BTRC: variants seen among roughly 807,000 people sequenced by gnomAD.
BTRC encodes beta-transducin repeat containing E3 ubiquitin protein ligase.
BTRC carries 42 observed loss-of-function variants against 85.5 expected under a neutral mutation model. The observed-to-expected ratio is 0.49, with a 90% CI of 0.38 to 0.64. The LOEUF (loss-of-function observed/expected upper bound fraction) is 0.64, where lower values mean the gene tolerates loss of function less well. Among genes scored for constraint, BTRC ranks in the 30% least tolerant of loss-of-function variants. BTRC has a pLI of 0.00. For missense variants in BTRC, 594 were observed against 743.5 expected (o/e 0.80, Z 2.34); for synonymous variants, 255 against 263.3 (o/e 0.97, Z 0.30).
chr10:101,362,304 C>T (rs1465313318), intron 1 of BTRC, among the ~76,000 whole-genome samples: 3 of 151,884 alleles, frequency 2.0e-5, no homozygotes, highest in African/African-American at 7.3e-5. Flanking sequence ...TGTAGTTTGG[C>T]TTTCCTTTCA....
chr10:101,449,568 A>T (rs4919548), intron 2 of BTRC, among the ~76,000 whole-genome samples: 3 of 151,928 alleles, frequency 2.0e-5, no homozygotes, highest in African/African-American at 7.3e-5. Context: ...ATCTGTCCAA[A>T]ACACATAATC....
intron 1 of BTRC, among the ~76,000 whole-genome samples, chr10:101,380,217 A>G (rs1942894039): frequency 6.6e-6 from 1 of 152,204 alleles, no homozygotes; most frequent in African/African-American, 2.4e-5. Flanking sequence ...CACTTTCCTC[A>G]TATAGAAAGC....
In BTRC at chr10:101,531,343, T is replaced by A. The variant is rs1318393400; in HGVS notation, c.840+10T>A. The A allele has an allele frequency of 6.4e-7, 1 of 1,570,440 alleles. No individual in the cohort carries two copies. The highest frequency in any genetic ancestry group is 1.4e-5 in the African/African-American group (1 of 73,852). ...TATACAAGACATTGAGGTAAGAATC[T>A]ATGTATTTTGGGGTATTGCCCAAGG... On this transcript the variant is annotated intron_variant, in intron 7 of 14. Transcript: ENST00000370187.
chr10:101,477,720 G>C (rs1945726976), intron 3 of BTRC, among the ~76,000 whole-genome samples: 1 of 152,106 alleles, frequency 6.6e-6, no homozygotes, highest in African/African-American at 2.4e-5. Flanking sequence ...CGTGATCTCA[G>C]CTCACTACAA....
intron 1 of BTRC, among the ~76,000 whole-genome samples, chr10:101,410,875 A>G (rs1943757706): frequency 6.6e-6 from 1 of 152,026 alleles, no homozygotes; most frequent in Non-Finnish European, 1.5e-5. Context: ...TTATTGTCAT[A>G]CGTTTTGTTT....
In BTRC at chr10:101,519,012, T is replaced by C. The variant is rs563714217; in HGVS notation, c.325-2627T>C. 2.0e-5 allele frequency among the ~76,000 whole-genome samples: 3 copies of C among 151,072 alleles called. No homozygotes were observed. The East Asian group carries it at 5.8e-4, about 29-fold the overall frequency. On this transcript the variant is annotated intron_variant, in intron 4 of 14. Transcript: ENST00000370187. Reference sequence around the variant, plus strand: ...GAGAGCATCTCAAGGCTTAAATCAATCAAGGTGTTGGGCTGGACTGAGTTC... The same window carrying C: ...GAGAGCATCTCAAGGCTTAAATCAACCAAGGTGTTGGGCTGGACTGAGTTC...
rs551636044 is a variant in BTRC at position 101,556,943 on chromosome 10, C to T, written c.*3820C>T. Reference sequence around the variant, plus strand: ...GTGTTACCTCCCCTCCTAACCCTTCCCCTTCTTGGACACTGAAGGAAAAGG... The same window carrying T: ...GTGTTACCTCCCCTCCTAACCCTTCTCCTTCTTGGACACTGAAGGAAAAGG... On this transcript the variant is annotated 3_prime_UTR_variant, in exon 15 of 15. Coordinates refer to ENST00000370187, the MANE Select transcript of BTRC (RefSeq NM_033637.4). 6.6e-6 allele frequency: 1 copy of T among 152,336 alleles called. No individual in the cohort carries two copies. Among genetic ancestry groups the T allele is most frequent in the East Asian group, 1.9e-4 (1 of 5,186 alleles). The allele number at this position is 152,336 out of a possible 1,614,324, so 9.4% of individuals were successfully genotyped here.
intron 1 of BTRC, among the ~76,000 whole-genome samples, chr10:101,385,322 G>A (rs1395913363): frequency 1.4e-5 from 2 of 145,316 alleles, no homozygotes; most frequent in East Asian, 2.0e-4. Flanking sequence ...AGCCGAAATC[G>A]CGCCACTGCA....
chr10:101,385,258 T>C (rs1481183103), intron 1 of BTRC, among the ~76,000 whole-genome samples: 1 of 150,400 alleles, frequency 6.6e-6, no homozygotes, highest in African/African-American at 2.5e-5. Context: ...TCCCAGCTAC[T>C]CAGGAGGCTG....
intron 4 of BTRC, among the ~76,000 whole-genome samples, chr10:101,505,137 A>ATATATGTATATG (rs1554889414): frequency 1.7e-5 from 2 of 116,948 alleles, no homozygotes; most frequent in East Asian, 4.8e-4. Context: ...GTGTATATAT[A>ATATATGTATATG]TGTATATATA....
rs150171421 is a variant in BTRC, at chr10:101,384,248, C to G, written c.48+30020C>G. On this transcript the variant is annotated intron_variant, in intron 1 of 14. Transcript: ENST00000370187. ...TTTCACTTTTACAGAAGTTGGCCAT[C>G]AGCCCTCCTTCTTTGAGTCTCCTAT... Among the ~76,000 whole-genome samples the G allele has an allele frequency of 2.7e-4, 41 of 152,312 alleles. 1 individual carries two copies. In the East Asian group the frequency reaches 7.3e-3, roughly 27 times the overall value.
intron 7 of BTRC, 61 bp downstream of exon 7, chr10:101,531,394 TCA>T: frequency 1.5e-6 from 2 of 1,290,576 alleles, no homozygotes; most frequent in Non-Finnish European, 2.2e-6. Flanking sequence ...CATTCTTCAG[TCA>T]CAGTATGGTT....
At chr10:101,522,012 AGCTTTTTTTTT>A in intron 5 of BTRC, 142 bp downstream of exon 5, 1 of 170,246 alleles carries the variant, frequency 5.9e-6, no homozygotes, top group Non-Finnish European at 1.1e-5. Flanking sequence ...TTTGATATAA[AGCTTTTTTTTT>A]TTTTTTTTTT....
chr10:101,368,475 T>C (rs1484420204), intron 1 of BTRC, among the ~76,000 whole-genome samples: 14 of 55,158 alleles, frequency 2.5e-4, no homozygotes, highest in South Asian at 1.5e-3. Context: ...TTTTTTTTTT[T>C]TTTTTTTTTT....
chr10:101,515,588 T>G lies in BTRC; in HGVS notation c.325-6051T>G, dbSNP rs1007019732. ...GTGCAGTGGCGTGATCTCAGCTCAC[T>G]GCAATCTCCACCTCCCGGGTTCAAG... On this transcript the variant is annotated intron_variant, in intron 4 of 14. Transcript: ENST00000370187. Among the ~76,000 whole-genome samples the G allele has an allele frequency of 4.0e-5, 6 of 151,792 alleles. No homozygotes were observed. The East Asian group carries it at 1.2e-3, about 30-fold the overall frequency.
intron 1 of BTRC, among the ~76,000 whole-genome samples, chr10:101,428,954 C>T (rs1000984558): frequency 1.3e-5 from 2 of 152,164 alleles, no homozygotes; most frequent in African/African-American, 4.8e-5. Context: ...GCACAAACCT[C>T]TTGCATGGCT....
intron 3 of BTRC, among the ~76,000 whole-genome samples, chr10:101,471,875 CAGATTATAAT>C (rs1366762846): frequency 1.3e-5 from 2 of 152,206 alleles, no homozygotes; most frequent in African/African-American, 4.8e-5. Context: ...GTTTATTCAA[CAGATTATAAT>C]ATGTTAATAT....
intron 3 of BTRC, among the ~76,000 whole-genome samples, chr10:101,465,242 A>G (rs1012715929): frequency 1.3e-5 from 2 of 152,176 alleles, no homozygotes; most frequent in African/African-American, 4.8e-5. Context: ...TTCTAATGGG[A>G]TTTCAGAAAC....
intron 4 of BTRC, among the ~76,000 whole-genome samples, chr10:101,509,755 T>C (rs1589571799): frequency 7.5e-6 from 1 of 134,172 alleles, no homozygotes; most frequent in Non-Finnish European, 1.5e-5. Flanking sequence ...AGAGATGGAG[T>C]CTCACTATGC....
Sources: allele counts gnomAD v4.1 joint callset (sites outside exome capture counted in the v4.1 genomes callset), GRCh38; gene constraint gnomAD v4.1.1; transcripts MANE v1.5; gene names NCBI Gene and HGNC (gene_info 2026-07-23, HGNC 2026-07-21).